ROBO2: variants seen among roughly 807,000 people sequenced by gnomAD.
ROBO2 encodes roundabout guidance receptor 2, also known as roundabout homolog 2.
ROBO2 carries 53 observed loss-of-function variants against 160.8 expected under a neutral mutation model. The observed-to-expected ratio is 0.33, with a 90% confidence interval of 0.26 to 0.41. The LOEUF (loss-of-function observed/expected upper bound fraction) is 0.41, where lower values mean the gene tolerates loss of function less well. ROBO2 is among the 10% of genes least tolerant of loss of function. The pLI, the probability that ROBO2 is intolerant of heterozygous loss-of-function variation, is 1.00. For missense variants in ROBO2, 1,577 were observed against 1,722.4 expected, an observed-to-expected ratio of 0.92 and a Z score of 1.49; for synonymous variants, 664 against 611.7, an observed-to-expected ratio of 1.09 and a Z score of -1.26.
chr3:77,560,362 T>C (rs1245193642), intron 9 of ROBO2, among the ~76,000 whole-genome samples: 1 of 152,102 alleles, frequency 6.6e-6, no homozygotes, highest in African/African-American at 2.4e-5. Context: ...AAAGACATTA[T>C]TTAAAATTAA....
intron 2 of ROBO2, among the ~76,000 whole-genome samples, chr3:77,142,939 T>C (rs938674121): frequency 1.3e-5 from 2 of 152,086 alleles, no homozygotes; most frequent in African/African-American, 4.8e-5. Flanking sequence ...CAGCAGAAAG[T>C]CTGGCACTCA....
intron 5 of ROBO2, among the ~76,000 whole-genome samples, chr3:77,498,473 C>A (rs893586499): frequency 6.6e-6 from 1 of 152,142 alleles, no homozygotes; most frequent in African/African-American, 2.4e-5. Flanking sequence ...CCTTAACCCA[C>A]TGACAAAATT....
intron 2 of ROBO2, among the ~76,000 whole-genome samples, chr3:76,283,663 T>C (rs72630394): frequency 0.19 from 29,308 of 151,882 alleles, 4,629 homozygotes; most frequent in East Asian, 0.43. Context: ...TGACAGAGTT[T>C]CTGAAGGATA....
At chr3:76,326,528 A>G (rs977950477) in intron 2 of ROBO2, among the ~76,000 whole-genome samples, 3 of 152,088 alleles carry the variant, frequency 2.0e-5, no homozygotes, top group Non-Finnish European at 4.4e-5. Flanking sequence ...TGTATATTAC[A>G]TTGCATAATG....
chr3:77,535,050 A>G (rs1197114737), intron 6 of ROBO2, among the ~76,000 whole-genome samples: 1 of 152,208 alleles, frequency 6.6e-6, no homozygotes, highest in Non-Finnish European at 1.5e-5. Context: ...GATAAAATAC[A>G]ACAAAAAGAA....
At chr3:76,007,109 A>G (rs932376703) in intron 2 of ROBO2, among the ~76,000 whole-genome samples, 2 of 152,114 alleles carry the variant, frequency 1.3e-5, no homozygotes, top group African/African-American at 4.8e-5. Flanking sequence ...TGAGTTCAGT[A>G]TAACATTTTT....
At chr3:76,069,071 G>A (rs986259909) in intron 2 of ROBO2, among the ~76,000 whole-genome samples, 4 of 152,038 alleles carry the variant, frequency 2.6e-5, no homozygotes, top group African/African-American at 9.7e-5. Context: ...ATGGTGTCAT[G>A]CTTTAACTCC....
At chr3:76,774,372 G>A (rs578189142) in intron 2 of ROBO2, among the ~76,000 whole-genome samples, 15 of 150,996 alleles carry the variant, frequency 9.9e-5, no homozygotes, top group African/African-American at 3.4e-4. Flanking sequence ...CAGAGTTGGG[G>A]AAAGATCCTA....
chr3:75,945,749 A>G (rs1948265378), intron 2 of ROBO2, among the ~76,000 whole-genome samples: 2 of 152,132 alleles, frequency 1.3e-5, no homozygotes, highest in African/African-American at 2.4e-5. Flanking sequence ...ATTTAGCATA[A>G]TGCATAACTT....
intron 2 of ROBO2, among the ~76,000 whole-genome samples, chr3:76,305,386 TCAAAAAAAAAAAAA>T (rs2071286342): frequency 4.2e-5 from 1 of 23,860 alleles, no homozygotes; most frequent in African/African-American, 2.6e-4. Flanking sequence ...GCAAGATCTG[TCAAAAAAAAAAAAA>T]AAAAAAAAAA....
At chr3:76,103,518 T>C (rs2069791447) in intron 2 of ROBO2, among the ~76,000 whole-genome samples, 1 of 152,200 alleles carries the variant, frequency 6.6e-6, no homozygotes, top group Admixed American at 6.5e-5. Context: ...ATTAGAATTA[T>C]TCTTCGTAAT....
intron 2 of ROBO2, among the ~76,000 whole-genome samples, chr3:77,120,883 A>G (rs386470722): frequency 1.3e-5 from 2 of 152,278 alleles, no homozygotes; most frequent in African/African-American, 4.8e-5. Context: ...TAGAAACCCA[A>G]AATAATTTCT....
intron 2 of ROBO2, among the ~76,000 whole-genome samples, chr3:76,816,586 C>T (rs1370027729): frequency 6.6e-6 from 1 of 151,974 alleles, no homozygotes; most frequent in Non-Finnish European, 1.5e-5. Context: ...GTGTGGCTTG[C>T]TCTAATGCCA....
rs570964422 is a variant in ROBO2 at position 76,036,233 on chromosome 3, G to A, written c.109+98631G>A. On this transcript the variant is annotated intron_variant, in intron 2 of 26. Transcript: ENST00000487694. ...GGAGTGATCTCAGCTCACTGCAACC[G>A]CCGCCTCCCGGGTTCAAGTGATTCT... is the stretch of plus-strand genomic sequence containing the variant. Among the ~76,000 whole-genome samples, 21 of 151,414 alleles carry A rather than the reference G, an allele frequency of 1.4e-4. No homozygotes were observed. The South Asian group carries it at 1.9e-3, about 14-fold the overall frequency.
intron 2 of ROBO2, among the ~76,000 whole-genome samples, chr3:76,982,135 C>T (rs1034153909): frequency 2.1e-4 from 32 of 152,218 alleles, no homozygotes; most frequent in African/African-American, 7.2e-4. Context: ...CTTTTGGTTT[C>T]GTATCTAAGA....
intron 2 of ROBO2, among the ~76,000 whole-genome samples, chr3:76,460,902 T>C (rs1440055013): frequency 6.6e-6 from 1 of 152,206 alleles, no homozygotes; most frequent in Non-Finnish European, 1.5e-5. Flanking sequence ...AAGACTGTGA[T>C]AGCTGTCGAT....
intron 6 of ROBO2, among the ~76,000 whole-genome samples, chr3:77,535,777 T>C (rs1242474017): frequency 6.6e-6 from 1 of 152,162 alleles, no homozygotes. Flanking sequence ...TTTTGACAGA[T>C]TTTCCTAGGG....
chr3:76,110,890 C>G (rs9820716), intron 2 of ROBO2, among the ~76,000 whole-genome samples: 16,132 of 152,102 alleles, frequency 0.11, 1,857 homozygotes, highest in African/African-American at 0.28. Flanking sequence ...CTTTAGCAAA[C>G]AGGAAAACTT....
At chr3:75,969,267 A>G (rs2107343792) in intron 2 of ROBO2, among the ~76,000 whole-genome samples, 1 of 151,320 alleles carries the variant, frequency 6.6e-6, no homozygotes, top group South Asian at 2.1e-4. Flanking sequence ...ATACTGCAAT[A>G]AACATGGGAA....
Sources: allele counts gnomAD v4.1 joint callset (sites outside exome capture counted in the v4.1 genomes callset), GRCh38; gene constraint gnomAD v4.1.1; transcripts MANE v1.5; gene names NCBI Gene and HGNC (gene_info 2026-07-23, HGNC 2026-07-21).